Variants in ADCY1 observed in about 807,000 individuals in gnomAD.
ADCY1 encodes the protein adenylate cyclase type 1.
ADCY1 carries 28 observed loss-of-function variants against 105.4 expected under a neutral mutation model. The ratio of observed to expected loss-of-function variants is 0.27; its 90% CI spans 0.20 to 0.36. ADCY1 has a LOEUF of 0.36. Among genes scored for constraint, ADCY1 ranks in the 10% least tolerant of loss-of-function variants. The probability of loss-of-function intolerance (pLI) is 1.00; values close to 1 mark genes in which losing one functional copy is unlikely to be tolerated. For missense variants in ADCY1, 977 were observed against 1,434.2 expected (o/e 0.68, Z 5.15); for synonymous variants, 655 against 623.8 (o/e 1.05, Z -0.75).
At chr7:45,588,895 A>G (rs200950740) in intron 1 of ADCY1, among the ~76,000 whole-genome samples, 97 of 130,456 alleles carry the variant, frequency 7.4e-4, no homozygotes, top group Middle Eastern at 4.1e-3. Flanking sequence ...GTGTGTGTGT[A>G]TGTGTGTGTG....
intron 1 of ADCY1, among the ~76,000 whole-genome samples, chr7:45,579,633 G>A (rs1792463746): frequency 6.6e-6 from 1 of 152,226 alleles, no homozygotes; most frequent in Admixed American, 6.5e-5. Context: ...GCCGGGTCAG[G>A]GAGGGTAAGA....
At chr7:45,587,666 T>C (rs1792771477) in intron 1 of ADCY1, among the ~76,000 whole-genome samples, 1 of 152,060 alleles carries the variant, frequency 6.6e-6, no homozygotes, top group African/African-American at 2.4e-5. Context: ...GGCCCAGGGC[T>C]CCTCCAGGGT....
chr7:45,595,248 G>A (rs987751757), intron 2 of ADCY1, among the ~76,000 whole-genome samples: 1 of 152,148 alleles, frequency 6.6e-6, no homozygotes, highest in East Asian at 1.9e-4. Flanking sequence ...CAGCAGCAGT[G>A]GGGAGCCTGT....
intron 4 of ADCY1, among the ~76,000 whole-genome samples, chr7:45,646,547 A>T (rs1038460392): frequency 3.9e-5 from 6 of 152,312 alleles, no homozygotes; most frequent in Admixed American, 3.9e-4. Flanking sequence ...CCAGATCATC[A>T]CTGGTCCTCC....
chr7:45,711,655 A>T (rs1240467392), intron 19 of ADCY1, among the ~76,000 whole-genome samples: 1 of 135,166 alleles, frequency 7.4e-6, no homozygotes, highest in Non-Finnish European at 1.6e-5. Flanking sequence ...ACACACACAC[A>T]CGTATGTATA....
intron 4 of ADCY1, among the ~76,000 whole-genome samples, chr7:45,641,946 A>AAAAAAAAAAAAAAAAAAAAAAAAAAG (rs1562702616): frequency 7.0e-6 from 1 of 143,288 alleles, no homozygotes; most frequent in Non-Finnish European, 1.5e-5. Context: ...AAAAAAAAAA[A>AAAAAAAAAAAAAAAAAAAAAAAAAAG]TGTCTTTTCA....
At chr7:45,652,318 C>G (rs1794831635) in intron 5 of ADCY1, among the ~76,000 whole-genome samples, 1 of 152,200 alleles carries the variant, frequency 6.6e-6, no homozygotes, top group Non-Finnish European at 1.5e-5. Context: ...TTGGAAGATT[C>G]TTGAAGCATC....
chr7:45,623,762 G>A (rs1562693554), intron 4 of ADCY1, among the ~76,000 whole-genome samples: 1 of 152,214 alleles, frequency 6.6e-6, no homozygotes, highest in Non-Finnish European at 1.5e-5. Context: ...GGCTTCTGCA[G>A]ACAACTGACC....
intron 14 of ADCY1, among the ~76,000 whole-genome samples, chr7:45,689,155 C>A (rs1584333599): frequency 6.6e-6 from 1 of 151,794 alleles, no homozygotes; most frequent in African/African-American, 2.4e-5. Context: ...TGCTGAGAAC[C>A]CTCGCCCTTT....
chr7:45,642,866 G>A (rs111331673), intron 4 of ADCY1, among the ~76,000 whole-genome samples: 4,913 of 152,070 alleles, frequency 0.032, 113 homozygotes, highest in African/African-American at 0.063. Context: ...AATTTCTTCA[G>A]CATTATTAGC....
chr7:45,695,761 G>C (rs1418093207), intron 14 of ADCY1, among the ~76,000 whole-genome samples: 3 of 152,240 alleles, frequency 2.0e-5, no homozygotes, highest in African/African-American at 7.2e-5. Flanking sequence ...CAGTGTGGCA[G>C]TCACTGTGCA....
chr7:45,664,329 TG>T (rs1165897714), intron 8 of ADCY1: 4 of 1,536,172 alleles, frequency 2.6e-6, no homozygotes, highest in Non-Finnish European at 3.5e-6. Flanking sequence ...GATGTCCTCC[TG>T]GGGTTTTGGT....
intron 3 of ADCY1, among the ~76,000 whole-genome samples, chr7:45,621,106 T>A: frequency 6.6e-6 from 1 of 152,144 alleles, no homozygotes; most frequent in East Asian, 1.9e-4. Flanking sequence ...CCACTGTGTC[T>A]CCCAGGCTGG....
chr7:45,575,004 G>A lies in ADCY1; in HGVS notation c.461G>A (p.Gly154Glu), dbSNP rs763194212. 1.9e-6 allele frequency: 3 copies of A among 1,611,258 alleles called. No homozygotes were observed. The highest frequency in any genetic ancestry group is 3.3e-5 in the Admixed American group (2 of 59,850). The change falls in exon 1 of 20, where the codon GGG becomes GAG. Residue 154 changes from glycine to glutamate, a missense_variant. This residue lies in a region of ADCY1 where 209 missense variants were observed against 222.5 expected (regional missense o/e 0.94). Transcript: ENST00000297323. The surrounding 1 kb of genome is among the most constrained non-coding windows in gnomAD (Gnocchi z 4.7). The stretch of plus-strand genomic sequence containing the variant: ...GCCCGGGGTTCCGCCGGGGCCGCTG[G>A]GGGGCCAGCGACCGCCGAACAAGGG... ...GPARGSAGAA[G>E]GPATAEQGVW...
intron 7 of ADCY1, among the ~76,000 whole-genome samples, chr7:45,660,580 G>A (rs1795068786): frequency 6.6e-6 from 1 of 152,248 alleles, no homozygotes; most frequent in African/African-American, 2.4e-5. Context: ...TGGGGCACTT[G>A]AGGTCACCCT....
chr7:45,610,725 G>GGGT (rs1793518222), intron 3 of ADCY1, among the ~76,000 whole-genome samples: 2 of 3,406 alleles, frequency 5.9e-4, no homozygotes, highest in Non-Finnish European at 1.3e-3. Flanking sequence ...GGTGAGGAGG[G>GGGT]GATAGTGGAG....
Position 45,638,204 on chromosome 7 carries a change from G to A in ADCY1, c.1021-10466G>A, listed in dbSNP as rs114643534. Among the ~76,000 whole-genome samples the A allele has an allele frequency of 7.2e-3, 1,093 of 152,074 alleles. 20 individuals are homozygous for A. The highest frequency in any genetic ancestry group is 0.025 in the African/African-American group (1,018 of 41,484). On this transcript the variant is annotated intron_variant, in intron 4 of 19. Transcript: ENST00000297323. Reference sequence around the variant, plus strand: ...TTATGACTCCTCCTCTTCCTCCTTCGGGGACATCAGTTCCACATGTATTAG... The same window carrying A: ...TTATGACTCCTCCTCTTCCTCCTTCAGGGACATCAGTTCCACATGTATTAG...
intron 4 of ADCY1, among the ~76,000 whole-genome samples, chr7:45,641,401 GT>G (rs1794520973): frequency 6.6e-6 from 1 of 152,190 alleles, no homozygotes. Flanking sequence ...ATTCTCACCC[GT>G]AATGTAGCTC....
intron 3 of ADCY1, 93 bp downstream of exon 3, chr7:45,610,590 G>T: frequency 9.0e-7 from 1 of 1,105,332 alleles, no homozygotes; most frequent in South Asian, 1.3e-5. Flanking sequence ...CAGAAGTGGG[G>T]AAGGGATGGA....
Sources: allele counts gnomAD v4.1 joint callset (sites outside exome capture counted in the v4.1 genomes callset), GRCh38; gene constraint gnomAD v4.1.1; regional missense constraint gnomAD v4.1.1; non-coding constraint Gnocchi (gnomAD v3.1); transcripts MANE v1.5; gene names NCBI Gene and HGNC (gene_info 2026-07-23, HGNC 2026-07-21).